The following BTRC variants were observed in gnomAD, a reference collection of about 807,000 sequenced individuals.
BTRC encodes beta-transducin repeat containing E3 ubiquitin protein ligase.
BTRC carries 42 observed loss-of-function variants against 85.5 expected under a neutral mutation model. The ratio of observed to expected loss-of-function variants is 0.49; its 90% confidence interval spans 0.38 to 0.64. The LOEUF is 0.64. Ranked by LOEUF, BTRC falls within the 30% of genes least tolerant of loss-of-function variation. The probability of loss-of-function intolerance (pLI) is 0.00; values close to 1 mark genes in which losing one functional copy is unlikely to be tolerated. For missense variants in BTRC, 594 were observed against 743.5 expected (o/e 0.80, Z 2.34); for synonymous variants, 255 against 263.3 (o/e 0.97, Z 0.30).
At chr10:101,551,056 C>A in intron 14 of BTRC, 165 bp downstream of exon 14, 1 of 557,218 alleles carries the variant, frequency 1.8e-6, no homozygotes, top group Non-Finnish European at 3.0e-6. Flanking sequence ...ACAGTGTGGA[C>A]AGTGCCTTTC....
intron 4 of BTRC, among the ~76,000 whole-genome samples, chr10:101,499,716 C>T (rs1043396586): frequency 6.6e-6 from 1 of 151,152 alleles, no homozygotes; most frequent in Non-Finnish European, 1.5e-5. Context: ...GCCCACTCTT[C>T]CATCCTTACT....
intron 3 of BTRC, among the ~76,000 whole-genome samples, chr10:101,475,527 G>T (rs972250138): frequency 6.6e-6 from 1 of 152,092 alleles, no homozygotes; most frequent in Non-Finnish European, 1.5e-5. Context: ...GAGACAGAGT[G>T]AGACTCCGTC....
rs2270439 is a variant in BTRC, at chr10:101,550,817, C to A, written c.1775C>A (p.Pro592His). ...FLNDPAAQAE[P>H]PRSPSRTYTY... ...AATGATCCAGCTGCCCAAGCTGAAC[C>A]CCCCCGTTCCCCTTCTCGAACATAC... Residue 592 changes from proline to histidine, a missense_variant, in exon 14 of 15, where the codon CCC (proline) becomes CAC (histidine). Physicochemically the swap from Pro to His is moderately conservative, Grantham distance 77. This residue lies in a region of BTRC where 56 missense variants were observed against 39.6 expected (regional missense o/e 1.41). Coordinates refer to ENST00000370187, the MANE Select transcript of BTRC (RefSeq NM_033637.4). The A allele has an allele frequency of 1.4e-3, 2,326 of 1,614,006 alleles. 46 individuals are homozygous for A. In the East Asian group the frequency reaches 0.041, roughly 28 times the overall value.
chr10:101,393,309 A>T (rs1157159506), intron 1 of BTRC, among the ~76,000 whole-genome samples: 1 of 152,136 alleles, frequency 6.6e-6, no homozygotes, highest in East Asian at 1.9e-4. Flanking sequence ...TGTTTCCCTC[A>T]GTTCTGTGAG....
chr10:101,355,183 G>T (rs989405627), intron 1 of BTRC, among the ~76,000 whole-genome samples: 1 of 152,126 alleles, frequency 6.6e-6, no homozygotes, highest in African/African-American at 2.4e-5. Context: ...AGGAAAGGCC[G>T]TGGAGATGAG....
At chr10:101,443,859 T>TC (rs899733886) in intron 2 of BTRC, among the ~76,000 whole-genome samples, 14 of 152,194 alleles carry the variant, frequency 9.2e-5, no homozygotes, top group African/African-American at 2.9e-4. Context: ...TAGCCACAAC[T>TC]CCGATTCGAT....
intron 1 of BTRC, among the ~76,000 whole-genome samples, chr10:101,391,986 CT>C (rs879386711): frequency 2.4e-4 from 36 of 147,386 alleles, no homozygotes; most frequent in Non-Finnish European, 2.4e-4. Context: ...AACTAATATT[CT>C]TTTTTTTTTT....
chr10:101,475,288 C>T (rs981018975), intron 3 of BTRC, among the ~76,000 whole-genome samples: 4 of 152,114 alleles, frequency 2.6e-5, no homozygotes, highest in African/African-American at 9.7e-5. Flanking sequence ...GCCTGCAATC[C>T]CAGCACTTTG....
chr10:101,366,919 T>TATATATATCA (rs1942435233), intron 1 of BTRC, among the ~76,000 whole-genome samples: 1 of 4,880 alleles, frequency 2.0e-4, no homozygotes, highest in African/African-American at 4.1e-4. Flanking sequence ...AATATATATT[T>TATATATATCA]ATATATATTT....
At chr10:101,458,826 G>A (rs1945146701) in intron 2 of BTRC, among the ~76,000 whole-genome samples, 2 of 152,128 alleles carry the variant, frequency 1.3e-5, no homozygotes, top group South Asian at 4.1e-4. Context: ...ATAATCTTAA[G>A]GTGGCATCTG....
At position 101,538,339 on chromosome 10, in the gene BTRC, C is replaced by A; in HGVS notation, c.1624C>A (p.Pro542Thr). The A allele has an allele frequency of 6.2e-7, 1 of 1,614,046 alleles. No individual in the cohort carries two copies. Among genetic ancestry groups the A allele is most frequent in the African/African-American group, 1.3e-5 (1 of 75,002 alleles). ...TGTGGCTGCTTTGGACCCCCGTGCT[C>A]CTGCAGGGACACTCTGTCTACGGAC... The part of the protein sequence containing the change: ...DLVAALDPRA[P>T]AGTLCLRTLV... The change falls in exon 13 of 15, where the codon CCT becomes ACT. Residue 542 changes from proline to threonine, a missense_variant. Physicochemically the swap from Pro to Thr is conservative, Grantham distance 38. This residue lies in a region of BTRC where 373 missense variants were observed against 503.6 expected (regional missense o/e 0.74). Transcript: ENST00000370187.
chr10:101,497,748 G>A (rs901004866), intron 4 of BTRC, among the ~76,000 whole-genome samples: 2 of 151,944 alleles, frequency 1.3e-5, no homozygotes, highest in Non-Finnish European at 2.9e-5. Flanking sequence ...TTGGCTGGGC[G>A]TGATGACTCA....
Position 101,354,536 on chromosome 10 carries a change from T to C in BTRC, c.48+308T>C, listed in dbSNP as rs1286247892. 1.2e-5 allele frequency: 5 copies of C among 415,694 alleles called. No homozygotes were observed. In the East Asian group the frequency reaches 1.8e-4, roughly 15 times the overall value. The allele number at this position is 415,694 out of a possible 1,614,324, so 25.8% of individuals were successfully genotyped here. ...GGGAAAGGGGCGTGGGGACTGTTACTGAAAAGCGGAGGAAGCTCTCTGGAG... is the reference window on the plus strand; with the variant it reads ...GGGAAAGGGGCGTGGGGACTGTTACCGAAAAGCGGAGGAAGCTCTCTGGAG... On this transcript the variant is annotated intron_variant, in intron 1 of 14. Coordinates refer to ENST00000370187, the MANE Select transcript of BTRC (RefSeq NM_033637.4).
intron 1 of BTRC, among the ~76,000 whole-genome samples, chr10:101,428,854 C>G (rs1172350879): frequency 6.6e-6 from 1 of 152,094 alleles, no homozygotes; most frequent in Non-Finnish European, 1.5e-5. Context: ...AGATAAGAGA[C>G]GGGATCTTGC....
chr10:101,536,643 G>A lies in BTRC; in HGVS notation c.1567G>A (p.Ala523Thr). 1 of 1,610,564 alleles carries A rather than the reference G, an allele frequency of 6.2e-7. No homozygotes were observed. Among genetic ancestry groups the A allele is most frequent in the Non-Finnish European group, 8.5e-7 (1 of 1,176,814 alleles). ...RFDNKRIVSGAYDGKIKVWDL... is the reference protein window; with the variant it reads ...RFDNKRIVSGTYDGKIKVWDL... Reference sequence around the variant, plus strand: ...TGATAACAAGAGGATAGTCAGTGGGGCCTATGATGGGTGAGTGTGCTAACA... The same window carrying A: ...TGATAACAAGAGGATAGTCAGTGGGACCTATGATGGGTGAGTGTGCTAACA... Residue 523 changes from alanine to threonine, a missense_variant, in exon 12 of 15, where the codon GCC becomes ACC. By Grantham distance (58) the Ala-to-Thr change is moderately conservative. Around this residue, in one of 4 missense-constraint regions of BTRC, gnomAD observed 373 missense variants for 503.6 expected, o/e 0.74. Transcript: ENST00000370187.
intron 1 of BTRC, among the ~76,000 whole-genome samples, chr10:101,361,832 C>T (rs11190960): frequency 0.035 from 5,374 of 152,288 alleles, 149 homozygotes; most frequent in Middle Eastern, 0.085. Flanking sequence ...CTCTGAGGCA[C>T]TACCTGCTAG....
chr10:101,420,218 A>G (rs912466102), intron 1 of BTRC, among the ~76,000 whole-genome samples: 10 of 151,850 alleles, frequency 6.6e-5, no homozygotes, highest in African/African-American at 2.4e-4. Context: ...TGTTTTTCTG[A>G]TTATGAGAAA....
chr10:101,392,172 G>C (rs764778855), intron 1 of BTRC, among the ~76,000 whole-genome samples: 1 of 152,156 alleles, frequency 6.6e-6, no homozygotes, highest in Non-Finnish European at 1.5e-5. Context: ...TAGCGACTGG[G>C]TTTCACCATG....
At chr10:101,437,052 ATTC>A (rs951129274) in intron 2 of BTRC, among the ~76,000 whole-genome samples, 10 of 152,198 alleles carry the variant, frequency 6.6e-5, no homozygotes, top group African/African-American at 2.4e-4. Context: ...AATGCTTCTC[ATTC>A]TGTAGCTGAT....
Sources: allele counts gnomAD v4.1 joint callset (sites outside exome capture counted in the v4.1 genomes callset), GRCh38; gene constraint gnomAD v4.1.1; regional missense constraint gnomAD v4.1.1; transcripts MANE v1.5; gene names NCBI Gene and HGNC (gene_info 2026-07-23, HGNC 2026-07-21).